Variants in THSD4 observed in about 807,000 individuals in gnomAD.
THSD4 encodes the protein thrombospondin type 1 domain containing 4, also known as thrombospondin type-1 domain-containing protein 4.
In THSD4, 69 loss-of-function variants were observed where a neutral mutation model predicts 119.0. That is an observed-to-expected ratio of 0.58 (90% CI 0.48 to 0.71). The LOEUF is 0.71. Among genes scored for constraint, THSD4 ranks in the 30% least tolerant of loss-of-function variants. The pLI is 0.00. For missense variants in THSD4, 1,393 were observed against 1,391.1 expected, an observed-to-expected ratio of 1.00 and a Z score of -0.02; for synonymous variants, 524 against 540.4, an observed-to-expected ratio of 0.97 and a Z score of 0.42.
intron 15 of THSD4, among the ~76,000 whole-genome samples, chr15:71,763,215 G>A (rs949719674): frequency 6.6e-6 from 1 of 151,814 alleles, no homozygotes; most frequent in African/African-American, 2.4e-5. Context: ...TGTTGGTTTG[G>A]GGGTTTTATA....
At chr15:71,226,097 C>G (rs1461184524) in intron 4 of THSD4, among the ~76,000 whole-genome samples, 7 of 152,070 alleles carry the variant, frequency 4.6e-5, no homozygotes, top group Admixed American at 1.3e-4. Context: ...TCAGCTCCAT[C>G]ATCTGCTAAC....
intron 7 of THSD4, among the ~76,000 whole-genome samples, chr15:71,570,995 C>T (rs746036074): frequency 1.8e-4 from 27 of 152,168 alleles, no homozygotes; most frequent in South Asian, 4.1e-4. Flanking sequence ...ACCATTGCCC[C>T]AGCCTGCTTG....
At chr15:71,346,320 T>C (rs1211909518) in intron 6 of THSD4, among the ~76,000 whole-genome samples, 2 of 152,240 alleles carry the variant, frequency 1.3e-5, no homozygotes, top group African/African-American at 2.4e-5. Flanking sequence ...GGTATTCTTA[T>C]TGTATCCTGT....
At chr15:71,367,826 A>G (rs574542327) in intron 6 of THSD4, among the ~76,000 whole-genome samples, 2 of 152,270 alleles carry the variant, frequency 1.3e-5, no homozygotes, top group Admixed American at 1.3e-4. Flanking sequence ...GTCAAATGGT[A>G]TTTCTAGTTT....
intron 7 of THSD4, among the ~76,000 whole-genome samples, chr15:71,655,172 A>G (rs1409955069): frequency 1.3e-5 from 2 of 152,214 alleles, no homozygotes; most frequent in African/African-American, 4.8e-5. Context: ...AACAGCAAGA[A>G]ATATCTATTC....
At chr15:71,308,712 G>A (rs2045068329) in intron 6 of THSD4, among the ~76,000 whole-genome samples, 1 of 152,174 alleles carries the variant, frequency 6.6e-6, no homozygotes, top group South Asian at 2.1e-4. Context: ...ATGCTGCTAT[G>A]AATATTCACG....
Position 71,160,998 on chromosome 15 carries a change from ATTTCTTC to A in THSD4, c.99+6067_99+6073del, listed in dbSNP as rs1207372901. On this transcript the variant is annotated intron_variant, in intron 3 of 17. Coordinates refer to ENST00000261862, the MANE Select transcript of THSD4 (RefSeq NM_024817.3). ...CAAGGAAATTAAAATTTCCCTTTTA[ATTTCTTC>A]ATCAACCTACTGGTTGTTTAGAAGC... 1.4e-4 allele frequency among the ~76,000 whole-genome samples: 21 copies of A among 152,104 alleles called. 1 individual carries two copies. In the South Asian group the frequency reaches 1.9e-3, roughly 14 times the overall value.
rs549701292 is a variant in THSD4, at chr15:71,565,266, A to G, written c.1153-95264A>G. Among the ~76,000 whole-genome samples, 46 of 152,330 alleles carry G rather than the reference A, an allele frequency of 3.0e-4. 3 individuals are homozygous for G. The South Asian group carries it at 8.9e-3, about 30-fold the overall frequency. ...GATGCTCAGCCTGCCAGGATCACAA[A>G]GTGACCTCAGAGTGCTGTTTGCAGG... On this transcript the variant is annotated intron_variant, in intron 7 of 17. Coordinates refer to ENST00000261862, the MANE Select transcript of THSD4 (RefSeq NM_024817.3).
upstream of THSD4, chr15:71,111,441 A>G: frequency 6.3e-7 from 1 of 1,587,732 alleles, no homozygotes; most frequent in South Asian, 1.1e-5. Flanking sequence ...AGGAGGAAGA[A>G]AAAGGACTGG....
chr15:71,217,905 G>A (rs1445808560), intron 4 of THSD4, among the ~76,000 whole-genome samples: 1 of 150,662 alleles, frequency 6.6e-6, no homozygotes, highest in Admixed American at 6.6e-5. Context: ...CTGTGCCTCA[G>A]CCTCCCTAGT....
chr15:71,159,978 G>T (rs2043236453), intron 3 of THSD4, among the ~76,000 whole-genome samples: 1 of 151,966 alleles, frequency 6.6e-6, no homozygotes, highest in Admixed American at 6.6e-5. Flanking sequence ...CCTTTATTGT[G>T]TTATGGTACA....
chr15:71,748,076 C>T (rs1342434391), intron 13 of THSD4, among the ~76,000 whole-genome samples: 2 of 152,122 alleles, frequency 1.3e-5, no homozygotes, highest in East Asian at 1.9e-4. Flanking sequence ...GACTGCAAAA[C>T]GGAGGTGGTA....
intron 8 of THSD4, among the ~76,000 whole-genome samples, chr15:71,674,476 G>C (rs998287929): frequency 7.2e-5 from 11 of 152,146 alleles, no homozygotes; most frequent in African/African-American, 2.4e-4. Flanking sequence ...CTGGATCAGT[G>C]CTTTTCACCC....
At chr15:71,704,744 C>T (rs1319832320) in intron 8 of THSD4, among the ~76,000 whole-genome samples, 1 of 152,126 alleles carries the variant, frequency 6.6e-6, no homozygotes, top group Non-Finnish European at 1.5e-5. Flanking sequence ...TGGCTACAAC[C>T]CCTAGCTACA....
chr15:71,588,144 A>G (rs1223148798), intron 7 of THSD4, among the ~76,000 whole-genome samples: 1 of 151,708 alleles, frequency 6.6e-6, no homozygotes, highest in African/African-American at 2.4e-5. Context: ...GTCTCTACTA[A>G]AAATACAAAA....
At chr15:71,452,541 A>T (rs1043821978) in intron 7 of THSD4, among the ~76,000 whole-genome samples, 2 of 150,018 alleles carry the variant, frequency 1.3e-5, no homozygotes, top group African/African-American at 4.9e-5. Context: ...AAAAAAAAAA[A>T]TTCATATGTT....
At chr15:71,133,011 C>T (rs552839054) in intron 1 of THSD4, among the ~76,000 whole-genome samples, 4 of 152,210 alleles carry the variant, frequency 2.6e-5, no homozygotes, top group South Asian at 2.1e-4. Context: ...GTCATCATCT[C>T]GGAGAAAGGG....
chr15:71,113,296 T>C (rs550378754), upstream of THSD4, among the ~76,000 whole-genome samples: 14 of 152,308 alleles, frequency 9.2e-5, no homozygotes, highest in South Asian at 2.5e-3. Context: ...AGGTTGAAAA[T>C]GGACTGGAAT....
chr15:71,586,714 T>C (rs7164085), intron 7 of THSD4, among the ~76,000 whole-genome samples: 144,459 of 152,282 alleles, frequency 0.95, 69,002 homozygotes, highest in Middle Eastern at 1. Flanking sequence ...ATAACCTAAT[T>C]GTGGGAGCAA....
Sources: gnomAD v4.1 joint callset for allele counts (sites outside exome capture counted in the v4.1 genomes callset) on GRCh38, gnomAD v4.1.1 for gene constraint, MANE v1.5 for transcripts, NCBI Gene and HGNC (gene_info 2026-07-23, HGNC 2026-07-21) for gene names.